TRPM3: variants seen among roughly 807,000 people sequenced by gnomAD.
The protein encoded by TRPM3 is transient receptor potential cation channel subfamily M member 3.
TRPM3 carries 77 observed loss-of-function variants against 181.2 expected under a neutral mutation model. The ratio of observed to expected loss-of-function variants is 0.42; its 90% CI spans 0.35 to 0.51. TRPM3 has a LOEUF of 0.51. Among genes scored for constraint, TRPM3 ranks in the 20% least tolerant of loss-of-function variants. The pLI is 0.01. For synonymous variants in TRPM3, 745 were observed against 796.4 expected, an observed-to-expected ratio of 0.94 and a Z score of 1.09; for missense variants, 1,759 against 2,196.7, an observed-to-expected ratio of 0.80 and a Z score of 3.98.
At chr9:71,419,677 C>T (rs2093696202) in intron 1 of TRPM3, among the ~76,000 whole-genome samples, 1 of 151,928 alleles carries the variant, frequency 6.6e-6, no homozygotes, top group South Asian at 2.1e-4. Context: ...TGTGAATGTA[C>T]TTAATACAAC....
At chr9:71,022,414 G>T (rs2097854332) in intron 1 of TRPM3, among the ~76,000 whole-genome samples, 1 of 152,164 alleles carries the variant, frequency 6.6e-6, no homozygotes, top group African/African-American at 2.4e-5. Flanking sequence ...ATAGATCACA[G>T]CTGGTCATGG....
intron 6 of TRPM3, chr9:70,825,383 G>C (rs1227009349): frequency 1.3e-5 from 2 of 152,142 alleles, no homozygotes; most frequent in Non-Finnish European, 2.9e-5. Context: ...AGAGGAGCCT[G>C]TGGGTCTCTA....
intron 1 of TRPM3, among the ~76,000 whole-genome samples, chr9:71,296,059 T>C (rs1222891950): frequency 2.0e-5 from 3 of 152,048 alleles, no homozygotes; most frequent in African/African-American, 7.2e-5. Context: ...GTGAAAATGG[T>C]ACAAAAATAC....
chr9:71,322,747 A>C (rs538368041), intron 1 of TRPM3, among the ~76,000 whole-genome samples: 1 of 152,276 alleles, frequency 6.6e-6, no homozygotes, highest in East Asian at 1.9e-4. Flanking sequence ...TTGATCTCTA[A>C]GTTCTCATGT....
intron 1 of TRPM3, among the ~76,000 whole-genome samples, chr9:71,151,287 T>C (rs924012503): frequency 4.6e-5 from 7 of 152,078 alleles, no homozygotes; most frequent in Admixed American, 6.6e-5. Flanking sequence ...GGAAAGAGTT[T>C]CAGTGAATCA....
chr9:71,029,566 G>T (rs983272554), intron 1 of TRPM3, among the ~76,000 whole-genome samples: 1 of 152,054 alleles, frequency 6.6e-6, no homozygotes, highest in African/African-American at 2.4e-5. Context: ...CATGAAATAT[G>T]ATACAGGAAA....
At chr9:70,767,558 T>C (rs2079390927) in intron 7 of TRPM3, among the ~76,000 whole-genome samples, 1 of 152,168 alleles carries the variant, frequency 6.6e-6, no homozygotes, top group South Asian at 2.1e-4. Context: ...ACAATGGGGA[T>C]GGCTCATTTT....
intron 1 of TRPM3, among the ~76,000 whole-genome samples, chr9:71,338,841 A>T (rs1438629620): frequency 6.6e-6 from 1 of 152,168 alleles, no homozygotes; most frequent in Admixed American, 6.6e-5. Flanking sequence ...CTAAAATCAA[A>T]AACAAGGCAA....
intron 6 of TRPM3, among the ~76,000 whole-genome samples, chr9:70,793,050 C>A (rs12156465): frequency 0.012 from 1,772 of 152,176 alleles, 23 homozygotes; most frequent in Non-Finnish European, 0.017. Context: ...CTTTTATTTA[C>A]AAACATTTAA....
intron 8 of TRPM3, among the ~76,000 whole-genome samples, chr9:70,750,137 C>A (rs1026011824): frequency 3.9e-5 from 6 of 152,138 alleles, no homozygotes; most frequent in Non-Finnish European, 8.8e-5. Flanking sequence ...TTGTACTATG[C>A]ATTTTTCTGT....
intron 1 of TRPM3, among the ~76,000 whole-genome samples, chr9:70,876,288 CATAT>C (rs1770835747): frequency 6.9e-6 from 1 of 145,948 alleles, no homozygotes; most frequent in East Asian, 2.1e-4. Flanking sequence ...TACACACACA[CATAT>C]ATAGACATAT....
intron 1 of TRPM3, among the ~76,000 whole-genome samples, chr9:71,208,702 C>T (rs547941081): frequency 6.6e-6 from 1 of 152,124 alleles, no homozygotes; most frequent in Admixed American, 6.5e-5. Flanking sequence ...AAAAGTAGTG[C>T]TATTAACACA....
At chr9:70,887,454 T>C (rs2993012) in intron 1 of TRPM3, among the ~76,000 whole-genome samples, 53,870 of 152,090 alleles carry the variant, frequency 0.35, 10,398 homozygotes, top group Admixed American at 0.43. Flanking sequence ...ATTTCTCCAT[T>C]TTAAGAGCTT....
chr9:71,027,874 G>A (rs2134617600), intron 1 of TRPM3, among the ~76,000 whole-genome samples: 1 of 152,286 alleles, frequency 6.6e-6, no homozygotes, highest in African/African-American at 2.4e-5. Flanking sequence ...GAGAATGGAA[G>A]CAACTTGGAA....
chr9:71,333,858 A>T (rs565008211), intron 1 of TRPM3, among the ~76,000 whole-genome samples: 2 of 152,094 alleles, frequency 1.3e-5, no homozygotes, highest in East Asian at 3.9e-4. Flanking sequence ...TCCAGATTCC[A>T]GTGTGTGAAA....
intron 9 of TRPM3, among the ~76,000 whole-genome samples, chr9:70,664,237 A>G (rs1222893158): frequency 6.6e-6 from 1 of 152,176 alleles, no homozygotes; most frequent in Non-Finnish European, 1.5e-5. Flanking sequence ...TTTTCATAAA[A>G]AGATGCTCTC....
At chr9:71,123,877 C>G (rs954168821), upstream of TRPM3, among the ~76,000 whole-genome samples, 1 of 152,124 alleles carries the variant, frequency 6.6e-6, no homozygotes, top group Admixed American at 6.5e-5. Flanking sequence ...TTGCCTACCC[C>G]CTGCCCTGCA....
chr9:71,325,506 G>A (rs1357388933), intron 1 of TRPM3, among the ~76,000 whole-genome samples: 1 of 152,132 alleles, frequency 6.6e-6, no homozygotes, highest in East Asian at 1.9e-4. Flanking sequence ...CAACTCTAGA[G>A]TTACAGAGAT....
intron 19 of TRPM3, among the ~76,000 whole-genome samples, chr9:70,608,132 G>T (rs118153345): frequency 6.6e-6 from 1 of 152,142 alleles, no homozygotes; most frequent in African/African-American, 2.4e-5. Context: ...CCTCACTTCC[G>T]TTTTCTGTAT....
Sources: gnomAD v4.1 joint callset for allele counts (sites outside exome capture counted in the v4.1 genomes callset) on GRCh38, gnomAD v4.1.1 for gene constraint, MANE v1.5 for transcripts, NCBI Gene and HGNC (gene_info 2026-07-23, HGNC 2026-07-21) for gene names.